The following DIDO1 variants were observed in gnomAD, a reference collection of about 807,000 sequenced individuals.
The protein encoded by DIDO1 is death inducer-obliterator 1, also known as death-inducer obliterator 1.
Under a neutral mutation model 99.4 loss-of-function variants are expected in DIDO1, and 16 were observed. The observed-to-expected ratio is 0.16, with a 90% CI of 0.11 to 0.24. The LOEUF (loss-of-function observed/expected upper bound fraction) is 0.24, where lower values mean the gene tolerates loss of function less well. Among genes scored for constraint, DIDO1 ranks in the 10% least tolerant of loss-of-function variants. The pLI, the probability that DIDO1 is intolerant of heterozygous loss-of-function variation, is 1.00. For missense variants in DIDO1, 2,996 were observed against 3,014.0 expected (o/e 0.99, Z 0.14); for synonymous variants, 1,366 against 1,239.1 (o/e 1.10, Z -2.15).
rs780058396 is a variant in DIDO1 at position 62,880,751 on chromosome 20, C to T, written c.5205G>A (p.Pro1735=). The change falls in exon 16 of 16, where the codon CCG becomes CCA. Residue 1735 remains proline (P), a synonymous_variant. Transcript: ENST00000395343. The part of the protein sequence containing the change: ...PQARPGEGTA[P]LPPPGQKVGG... ...CCACTTTCTGTCCTGGTGGGGGGAG[C>T]GGGGCGGTGCCCTCGCCGGGTCTGG... 7 of 1,612,558 alleles carry T rather than the reference C, an allele frequency of 4.3e-6. No homozygotes were observed. Among genetic ancestry groups the T allele is most frequent in the South Asian group, 2.2e-5 (2 of 91,088 alleles).
Position 62,896,517 on chromosome 20 carries a change from G to T in DIDO1, c.2054+14C>A. 6.3e-7 allele frequency: 1 copy of T among 1,581,564 alleles called. No homozygotes were observed. The highest frequency in any genetic ancestry group is 1.4e-5 in the African/African-American group (1 of 73,062). ...TCCATTTTAATGGGTAAGAAATCAA[G>T]CAGAACAGCCCACCTTTTCCACAAA... On this transcript the variant is annotated intron_variant, in intron 7 of 15. Transcript: ENST00000395343. The surrounding 1 kb of genome is among the most constrained non-coding windows in gnomAD (Gnocchi z 4.4).
chr20:62,885,532 G>A (rs181554308), intron 15 of DIDO1, among the ~76,000 whole-genome samples: 45 of 152,260 alleles, frequency 3.0e-4, no homozygotes, highest in Admixed American at 5.2e-4. Context: ...AACAGCAACC[G>A]TCTGGAGATT....
At chr20:62,922,034 G>C (rs28464145) in intron 1 of DIDO1, among the ~76,000 whole-genome samples, 1 of 136,188 alleles carries the variant, frequency 7.3e-6, no homozygotes, top group South Asian at 2.2e-4. Context: ...ATATCCACAC[G>C]ATATATATAC....
At chr20:62,921,919 C>CACTA (rs1439818856) in intron 1 of DIDO1, among the ~76,000 whole-genome samples, 2 of 148,822 alleles carry the variant, frequency 1.3e-5, no homozygotes, top group Non-Finnish European at 3.0e-5. Flanking sequence ...TATATATACA[C>CACTA]TATATATGTC....
At chr20:62,895,013 TCC>T in intron 9 of DIDO1, 34 bp downstream of exon 9, 9 of 1,596,626 alleles carry the variant, frequency 5.6e-6, no homozygotes, top group Non-Finnish European at 7.7e-6. Context: ...TAAGCTCGAG[TCC>T]TGGGTGCCTC....
Position 62,909,728 on chromosome 20 carries a change from C to A in DIDO1, c.1132G>T (p.Gly378Cys). 6.2e-7 allele frequency: 1 copy of A among 1,613,792 alleles called. No individual in the cohort carries two copies. Among genetic ancestry groups the A allele is most frequent in the South Asian group, 1.1e-5 (1 of 91,056 alleles). Reference sequence around the variant, plus strand: ...TGGAAGATCTTGAGTTTCTTCTTGCCACTTGGATTTGCAGCTTTCTCAATT... The same window carrying A: ...TGGAAGATCTTGAGTTTCTTCTTGCAACTTGGATTTGCAGCTTTCTCAATT... ...GRIEKAANPS[G>C]KKKLKIFQPV... is the part of the protein sequence containing the mutation. Residue 378 changes from glycine (G) to cysteine (C), a missense_variant, in exon 4 of 16, where the codon GGC becomes TGC. By Grantham distance (159) the Gly-to-Cys change is radical. This residue lies in a region of DIDO1 where 898 missense variants were observed against 972.7 expected (regional missense o/e 0.92). Coordinates refer to ENST00000395343, the MANE Select transcript of DIDO1 (RefSeq NM_001193369.2).
rs749750361 is a variant in DIDO1 at position 62,911,633 on chromosome 20, C to T, written c.-2-19G>A. The T allele has an allele frequency of 1.6e-5, 25 of 1,523,018 alleles. No individual in the cohort carries two copies. Among genetic ancestry groups the T allele is most frequent in the East Asian group, 4.6e-5 (2 of 43,836 alleles). The allele number at this position is 1,523,018 out of a possible 1,614,324, so 94.3% of individuals were successfully genotyped here. ...TCCATACCTAGCGGTAAAGTGTAAGCACATAGTGACCAACTGACCACAGAA... is the reference window on the plus strand; with the variant it reads ...TCCATACCTAGCGGTAAAGTGTAAGTACATAGTGACCAACTGACCACAGAA... On this transcript the variant is annotated intron_variant, in intron 2 of 15. Coordinates refer to ENST00000395343, the MANE Select transcript of DIDO1 (RefSeq NM_001193369.2). The surrounding 1 kb of genome is among the most constrained non-coding windows in gnomAD (Gnocchi z 7.0).
At chr20:62,905,390 A>G in intron 6 of DIDO1, 2 of 1,461,500 alleles carry the variant, frequency 1.4e-6, no homozygotes, top group Non-Finnish European at 1.8e-6. Context: ...TACACCTGAA[A>G]ATCAGATGCA....
chr20:62,898,158 C>T (rs992295446), intron 6 of DIDO1, among the ~76,000 whole-genome samples: 2 of 152,232 alleles, frequency 1.3e-5, no homozygotes, highest in Admixed American at 6.5e-5. Context: ...CCTCCCCCGT[C>T]GTCTTACTGA....
At chr20:62,900,099 C>G (rs1431527441) in intron 6 of DIDO1, among the ~76,000 whole-genome samples, 3 of 152,106 alleles carry the variant, frequency 2.0e-5, no homozygotes, top group African/African-American at 7.2e-5. Flanking sequence ...ACGAGCCTCC[C>G]CTACACGCTG....
intron 15 of DIDO1, chr20:62,889,103 C>T (rs1467190399): frequency 1.5e-5 from 15 of 985,398 alleles, no homozygotes; most frequent in Admixed American, 6.1e-5. Flanking sequence ...CAGCTGGTCG[C>T]GGAGCTGACA....
Position 62,895,093 on chromosome 20 carries a change from C to T in DIDO1, c.2287G>A (p.Val763Ile), listed in dbSNP as rs533751115. The change falls in exon 9 of 16, where the codon GTA becomes ATA. Residue 763 changes from valine (V) to isoleucine (I), a missense_variant. Transcript: ENST00000395343. ...KLVRLKPEELVSKELSTWKER... is the reference protein window; with the variant it reads ...KLVRLKPEELISKELSTWKER... The stretch of plus-strand genomic sequence containing the variant: ...TTCCACGTGGAAAGCTCTTTAGATA[C>T]AAGTTCTTCTGGCTTCAGTCTCACA... 67 of 1,612,036 alleles carry T rather than the reference C, an allele frequency of 4.2e-5. No individual in the cohort carries two copies. In the East Asian group the frequency reaches 1.1e-3, roughly 26 times the overall value.
At chr20:62,897,955 T>G (rs918166779) in intron 6 of DIDO1, among the ~76,000 whole-genome samples, 1 of 152,186 alleles carries the variant, frequency 6.6e-6, no homozygotes, top group Non-Finnish European at 1.5e-5. Context: ...AGAGGCCATC[T>G]CAGCTCTACA....
intron 1 of DIDO1, among the ~76,000 whole-genome samples, chr20:62,916,850 G>A (rs2065047007): frequency 6.6e-6 from 1 of 152,220 alleles, no homozygotes; most frequent in African/African-American, 2.4e-5. Flanking sequence ...AGCTGAAACA[G>A]AATTTGCAGC....
At chr20:62,895,763 G>A (rs2147412454) in intron 8 of DIDO1, among the ~76,000 whole-genome samples, 1 of 152,310 alleles carries the variant, frequency 6.6e-6, no homozygotes, top group East Asian at 1.9e-4. Context: ...CCCACTACCT[G>A]GGCGTGAGCA....
rs1361463756 is a variant in DIDO1, at chr20:62,878,555, C to CT, written c.*677dup. On this transcript the variant is annotated 3_prime_UTR_variant, in exon 16 of 16. Transcript: ENST00000395343. ...TGTTACTTTTTTTAGGCTGGTAAAACTTAACATTTTTCAATAAATTGTTAT... is the reference window on the plus strand; with the variant it reads ...TGTTACTTTTTTTAGGCTGGTAAAACTTTAACATTTTTCAATAAATTGTTAT... The CT allele has an allele frequency of 6.6e-6, 1 of 152,160 alleles. No homozygotes were observed. The highest frequency in any genetic ancestry group is 1.5e-5 in the Non-Finnish European group (1 of 68,030). The allele number at this position is 152,160 out of a possible 1,614,324, so 9.4% of individuals were successfully genotyped here. A position where few individuals can be genotyped will look rare whatever the true frequency, so the allele number is the denominator to read the frequency against.
chr20:62,905,877 T>G lies in DIDO1; in HGVS notation c.1588+10A>C. 2 of 1,614,050 alleles carry G rather than the reference T, an allele frequency of 1.2e-6. No homozygotes were observed. Among genetic ancestry groups the G allele is most frequent in the Non-Finnish European group, 1.7e-6 (2 of 1,180,004 alleles). On this transcript the variant is annotated intron_variant, in intron 6 of 15. Coordinates refer to ENST00000395343, the MANE Select transcript of DIDO1 (RefSeq NM_001193369.2). ...GGGGTCCAGGAGGCCAACCCCTAGG[T>G]GATACATACATTTATACAACAGTGA...
chr20:62,910,061 T>C (rs2064895437), intron 3 of DIDO1, 41 bp from the exon 4 acceptor site: 1 of 1,574,828 alleles, frequency 6.3e-7, no homozygotes, highest in Non-Finnish European at 8.6e-7. Context: ...GGGACGTGAG[T>C]GACAAGCACT....
chr20:62,883,332 A>T (rs2064244265), intron 15 of DIDO1, among the ~76,000 whole-genome samples: 1 of 152,262 alleles, frequency 6.6e-6, no homozygotes, highest in Non-Finnish European at 1.5e-5. Flanking sequence ...CCATGAGGTC[A>T]TCCATTAGTC....
Sources: gnomAD v4.1 joint callset for allele counts (sites outside exome capture counted in the v4.1 genomes callset) on GRCh38, gnomAD v4.1.1 for gene constraint, gnomAD v4.1.1 regional missense constraint, Gnocchi (gnomAD v3.1) non-coding constraint, MANE v1.5 for transcripts, NCBI Gene and HGNC (gene_info 2026-07-23, HGNC 2026-07-21) for gene names.